CACNA2D1: variants seen among roughly 807,000 people sequenced by gnomAD.
CACNA2D1 encodes the protein voltage-dependent calcium channel subunit alpha-2/delta-1.
Under a neutral mutation model 171.5 loss-of-function variants are expected in CACNA2D1, and 53 were observed. That is an observed-to-expected ratio of 0.31 (90% CI 0.25 to 0.39). CACNA2D1 has a LOEUF of 0.39. Ranked by LOEUF, CACNA2D1 falls within the 10% of genes least tolerant of loss-of-function variation. The probability of loss-of-function intolerance (pLI) is 1.00; values close to 1 mark genes in which losing one functional copy is unlikely to be tolerated. For missense variants in CACNA2D1, 903 were observed against 1,299.8 expected (o/e 0.69, Z 4.69); for synonymous variants, 442 against 443.1 (o/e 1.00, Z 0.03).
intron 15 of CACNA2D1, among the ~76,000 whole-genome samples, chr7:82,008,361 T>C (rs1288125876): frequency 1.3e-5 from 2 of 152,114 alleles, no homozygotes; most frequent in South Asian, 2.1e-4. Flanking sequence ...GCAGTACTTT[T>C]TGACAAGTAA....
At chr7:82,218,700 T>C (rs1300132053) in intron 3 of CACNA2D1, among the ~76,000 whole-genome samples, 1 of 152,178 alleles carries the variant, frequency 6.6e-6, no homozygotes, top group East Asian at 1.9e-4. Flanking sequence ...ACAACATAAG[T>C]TGTGTGTTGT....
chr7:82,293,325 T>G (rs1027295366), intron 3 of CACNA2D1, among the ~76,000 whole-genome samples: 1 of 152,220 alleles, frequency 6.6e-6, no homozygotes, highest in African/African-American at 2.4e-5. Flanking sequence ...TCATTTTGAC[T>G]TTCTCATTAA....
chr7:82,182,168 T>C (rs1233966018), intron 3 of CACNA2D1, among the ~76,000 whole-genome samples: 1 of 152,148 alleles, frequency 6.6e-6, no homozygotes. Flanking sequence ...CAGGAATTTG[T>C]GTAGGCTTCA....
chr7:81,966,498 C>A (rs1209898991), intron 31 of CACNA2D1, among the ~76,000 whole-genome samples: 1 of 151,222 alleles, frequency 6.6e-6, no homozygotes, highest in Non-Finnish European at 1.5e-5. Flanking sequence ...ACGATATGAA[C>A]CCCCTGCTTC....
Position 82,005,467 on chromosome 7 carries a change from C to A in CACNA2D1, c.1546G>T (p.Asp516Tyr). 1.3e-6 allele frequency: 2 copies of A among 1,592,048 alleles called. No homozygotes were observed. The highest frequency in any genetic ancestry group is 1.1e-5 in the South Asian group (1 of 88,550). Residue 516 changes from aspartate to tyrosine, a missense_variant, in exon 18 of 39, where the codon GAT (aspartate) becomes TAT (tyrosine). This residue lies in a region of CACNA2D1 where 623 missense variants were observed against 925.5 expected (regional missense o/e 0.67). Transcript: ENST00000356860. Reference protein sequence around the residue: ...LCPNGYYFAIDPNGYVLLHPN... With the variant: ...LCPNGYYFAIYPNGYVLLHPN... ...TGTAATAAAACATAACCATTAGGAT[C>A]GATTGCAAAGTAATACCCATTGGGG...
intron 1 of CACNA2D1, among the ~76,000 whole-genome samples, chr7:82,402,324 AC>A (rs1392689623): frequency 2.6e-5 from 4 of 152,146 alleles, no homozygotes; most frequent in Admixed American, 1.3e-4. Context: ...ATCTTTATTA[AC>A]CCTCACAATA....
intron 38 of CACNA2D1, among the ~76,000 whole-genome samples, chr7:81,959,029 A>T (rs1793781164): frequency 6.6e-6 from 1 of 152,060 alleles, no homozygotes; most frequent in African/African-American, 2.4e-5. Context: ...AGTTAAATTG[A>T]TTGGAATTGT....
intron 3 of CACNA2D1, among the ~76,000 whole-genome samples, chr7:82,329,094 G>T (rs1257101729): frequency 1.3e-5 from 2 of 151,524 alleles, no homozygotes; most frequent in Non-Finnish European, 1.5e-5. Context: ...CTGACAAATA[G>T]AAATGATATA....
intron 24 of CACNA2D1, among the ~76,000 whole-genome samples, chr7:81,975,215 T>A (rs1383206188): frequency 1.3e-5 from 2 of 152,144 alleles, no homozygotes; most frequent in Non-Finnish European, 2.9e-5. Flanking sequence ...TCTCTCTGTA[T>A]TATTTCTTGC....
intron 3 of CACNA2D1, among the ~76,000 whole-genome samples, chr7:82,201,689 T>C (rs1190994242): frequency 6.6e-6 from 1 of 152,138 alleles, no homozygotes; most frequent in Non-Finnish European, 1.5e-5. Context: ...CCTTCGCTAG[T>C]CCCCACCTCT....
At chr7:82,312,290 T>G (rs749717792) in intron 3 of CACNA2D1, among the ~76,000 whole-genome samples, 6 of 152,186 alleles carry the variant, frequency 3.9e-5, no homozygotes, top group Non-Finnish European at 7.3e-5. Flanking sequence ...GGACTGAATC[T>G]TAAATTTTTA....
chr7:82,443,643 G>C lies in CACNA2D1; in HGVS notation c.-184C>G, dbSNP rs1028234596. 7.7e-7 allele frequency: 1 copy of C among 1,293,866 alleles called. No individual in the cohort carries two copies. The highest frequency in any genetic ancestry group is 3.1e-5 in the East Asian group (1 of 31,832). 80.1% of individuals were successfully genotyped at this position (1,293,866 alleles called of 1,614,324 possible). A position where few individuals can be genotyped will look rare whatever the true frequency, so the allele number is the denominator to read the frequency against. On this transcript the variant is annotated 5_prime_UTR_variant, in exon 1 of 39. Transcript: ENST00000356860. Reference sequence around the variant, plus strand: ...CGGCAAGGGCGGGAGCGGACGCCGAGGAAGGGGCGGTGGCGGGCGGACCCA... The same window carrying C: ...CGGCAAGGGCGGGAGCGGACGCCGACGAAGGGGCGGTGGCGGGCGGACCCA...
intron 1 of CACNA2D1, among the ~76,000 whole-genome samples, chr7:82,391,710 G>A (rs1390759590): frequency 6.6e-6 from 1 of 152,198 alleles, no homozygotes; most frequent in Non-Finnish European, 1.5e-5. Context: ...AAGGGGACTG[G>A]AAAGGGGATT....
At chr7:82,357,052 A>T (rs1019296190) in intron 1 of CACNA2D1, among the ~76,000 whole-genome samples, 2 of 152,170 alleles carry the variant, frequency 1.3e-5, no homozygotes, top group Non-Finnish European at 2.9e-5. Context: ...ATAATTGAAA[A>T]AAATCTTTTA....
intron 3 of CACNA2D1, among the ~76,000 whole-genome samples, chr7:82,280,195 T>G (rs2129371531): frequency 6.6e-6 from 1 of 152,334 alleles, no homozygotes; most frequent in African/African-American, 2.4e-5. Flanking sequence ...TATGATATTT[T>G]ATTGTTAGAT....
chr7:82,381,599 T>C (rs1049039303), intron 1 of CACNA2D1, among the ~76,000 whole-genome samples: 8 of 152,204 alleles, frequency 5.3e-5, no homozygotes, highest in Non-Finnish European at 1.2e-4. Flanking sequence ...GGAGGAAGTT[T>C]ACAAAATTCA....
intron 3 of CACNA2D1, among the ~76,000 whole-genome samples, chr7:82,255,727 CTAAA>C (rs1421189197): frequency 6.6e-6 from 1 of 152,198 alleles, no homozygotes; most frequent in Admixed American, 6.5e-5. Flanking sequence ...AGACTGATAA[CTAAA>C]TACTTTCTTT....
chr7:82,028,413 T>C (rs1004441066), intron 12 of CACNA2D1: 8 of 151,794 alleles, frequency 5.3e-5, no homozygotes, highest in African/African-American at 1.7e-4. Flanking sequence ...GATTAATGTG[T>C]TTTCATGCCT....
intron 1 of CACNA2D1, among the ~76,000 whole-genome samples, chr7:82,425,888 G>A (rs1829128313): frequency 6.6e-6 from 1 of 151,020 alleles, no homozygotes; most frequent in Non-Finnish European, 1.5e-5. Context: ...CTGCAATTTG[G>A]GAGGCTGAGG....
Sources: allele counts gnomAD v4.1 joint callset (sites outside exome capture counted in the v4.1 genomes callset), GRCh38; gene constraint gnomAD v4.1.1; regional missense constraint gnomAD v4.1.1; transcripts MANE v1.5; gene names NCBI Gene and HGNC (gene_info 2026-07-23, HGNC 2026-07-21).